ABRAXAS1: variants seen among roughly 807,000 people sequenced by gnomAD.
ABRAXAS1 encodes the protein abraxas 1, BRCA1 A complex subunit.
ABRAXAS1 carries 26 observed loss-of-function variants against 38.4 expected under a neutral mutation model. The observed-to-expected ratio is 0.68, with a 90% CI of 0.50 to 0.94. The LOEUF (loss-of-function observed/expected upper bound fraction) is 0.94. Ranked by LOEUF, ABRAXAS1 falls within the 40% of genes least tolerant of loss-of-function variation. The pLI, the probability that ABRAXAS1 is intolerant of heterozygous loss-of-function variation, is 0.00. For missense variants in ABRAXAS1, 438 were observed against 481.9 expected (o/e 0.91, Z 0.85); for synonymous variants, 144 against 165.5 (o/e 0.87, Z 1.00).
At chr4:83,484,090 A>G in intron 1 of ABRAXAS1, 1 of 946,062 alleles carries the variant, frequency 1.1e-6, no homozygotes, top group Non-Finnish European at 1.3e-6. Context: ...ATGGTCTCGA[A>G]CTCGTGGGCT....
intron 7 of ABRAXAS1, among the ~76,000 whole-genome samples, chr4:83,464,937 T>C (rs1370803071): frequency 1.3e-5 from 2 of 152,186 alleles, no homozygotes; most frequent in Non-Finnish European, 2.9e-5. Flanking sequence ...GATATACCTC[T>C]ACATTCCCTA....
chr4:83,477,093 C>G (rs957561079), intron 2 of ABRAXAS1, among the ~76,000 whole-genome samples: 1 of 152,188 alleles, frequency 6.6e-6, no homozygotes, highest in African/African-American at 2.4e-5. Context: ...TGAAAATCTC[C>G]TTAACCAAAG....
At chr4:83,480,283 A>G (rs1722947126) in intron 2 of ABRAXAS1, 1 of 356,786 alleles carries the variant, frequency 2.8e-6, no homozygotes, top group Non-Finnish European at 5.5e-6. Flanking sequence ...GAGGCAGGAG[A>G]ATCGCTTGAC....
rs777404313 is a variant in ABRAXAS1, at chr4:83,467,440, A to G, written c.681+14T>C. 1.5e-6 allele frequency: 2 copies of G among 1,356,618 alleles called. No homozygotes were observed. Among genetic ancestry groups the G allele is most frequent in the South Asian group, 1.2e-5 (1 of 83,976 alleles). 84.0% of individuals were successfully genotyped at this position (1,356,618 alleles called of 1,614,324 possible). A position where few individuals can be genotyped will look rare whatever the true frequency, so the allele number is the denominator to read the frequency against. On this transcript the variant is annotated intron_variant, in intron 7 of 8. Transcript: ENST00000321945. Reference sequence around the variant, plus strand: ...TATCTAGAAGTGGTTGACGTGTTTGATATGTTAACTTACCTTTAATTCCTC... The same window carrying G: ...TATCTAGAAGTGGTTGACGTGTTTGGTATGTTAACTTACCTTTAATTCCTC...
At chr4:83,471,974 T>C (rs914387113) in intron 4 of ABRAXAS1, among the ~76,000 whole-genome samples, 2 of 152,118 alleles carry the variant, frequency 1.3e-5, no homozygotes, top group Non-Finnish European at 2.9e-5. Flanking sequence ...GGTGGAAATA[T>C]AAGAGAAAGA....
chr4:83,480,849 G>A (rs766250991), intron 2 of ABRAXAS1, among the ~76,000 whole-genome samples: 1 of 152,084 alleles, frequency 6.6e-6, no homozygotes, highest in Non-Finnish European at 1.5e-5. Flanking sequence ...TAGTATTGTA[G>A]GCCAGGCATG....
intron 2 of ABRAXAS1, chr4:83,480,314 G>A: frequency 2.6e-6 from 1 of 384,392 alleles, no homozygotes; most frequent in Non-Finnish European, 5.1e-6. Flanking sequence ...AGAGGTTGCA[G>A]TGAGCCGAGA....
At chr4:83,479,675 A>C (rs1169121300) in intron 2 of ABRAXAS1, 1 of 152,260 alleles carries the variant, frequency 6.6e-6, no homozygotes, top group Non-Finnish European at 1.5e-5. Context: ...AGCCAGCAGA[A>C]AGAATGATGG....
Position 83,460,917 on chromosome 4 carries a change from T to A in ABRAXAS1, c.*1552A>T, listed in dbSNP as rs1013116288. 4.7e-6 allele frequency: 7 copies of A among 1,493,308 alleles called. No homozygotes were observed. The highest frequency in any genetic ancestry group is 6.4e-6 in the Non-Finnish European group (7 of 1,092,464). 92.5% of individuals were successfully genotyped at this position (1,493,308 alleles called of 1,614,324 possible). A position where few individuals can be genotyped will look rare whatever the true frequency, so the allele number is the denominator to read the frequency against. The stretch of plus-strand genomic sequence containing the variant: ...GGAGACTCCATCTCAAAAAAAAAAA[T>A]TGCAAACTTTAAATATTGACATTTT... On this transcript the variant is annotated 3_prime_UTR_variant, in exon 9 of 9. Coordinates refer to ENST00000321945, the MANE Select transcript of ABRAXAS1 (RefSeq NM_139076.3).
chr4:83,469,314 C>A, intron 5 of ABRAXAS1, 163 bp from the exon 6 acceptor site: 2 of 580,322 alleles, frequency 3.4e-6, no homozygotes, highest in Non-Finnish European at 5.9e-6. Context: ...CTTGAAACAA[C>A]TGTTTTTTTT....
At position 83,460,741 on chromosome 4, in the gene ABRAXAS1, TAC is replaced by T; in HGVS notation, c.*1726_*1727del. ...CAATATGGTGAAACCCCGTTTCTAC[TAC>T]AAATACAAAAAAATTATCCGGGTGT... On this transcript the variant is annotated 3_prime_UTR_variant, in exon 9 of 9. Coordinates refer to ENST00000321945, the MANE Select transcript of ABRAXAS1 (RefSeq NM_139076.3). 1 of 446,490 alleles carries T rather than the reference TAC, an allele frequency of 2.2e-6. No individual in the cohort carries two copies. Among genetic ancestry groups the T allele is most frequent in the South Asian group, 2.3e-5 (1 of 44,128 alleles). The allele number at this position is 446,490 out of a possible 1,614,324, so 27.7% of individuals were successfully genotyped here.
In ABRAXAS1 at chr4:83,463,491, T is replaced by C. The variant is rs759239699; in HGVS notation, c.796+3A>G. The stretch of plus-strand genomic sequence containing the variant: ...AGAAAGTAGAGATGTGTTGTTTACT[T>C]ACTTGCTGCCTGAATCTGTGCTCCT... On this transcript the variant is annotated splice_donor_region_variant and intron_variant, in intron 8 of 8. Coordinates refer to ENST00000321945, the MANE Select transcript of ABRAXAS1 (RefSeq NM_139076.3). The C allele has an allele frequency of 7.0e-6, 11 of 1,578,718 alleles. 1 individual carries two copies. In the South Asian group the frequency reaches 1.3e-4, roughly 18 times the overall value.
At chr4:83,478,882 G>C (rs972918304) in intron 2 of ABRAXAS1, 2 of 152,230 alleles carry the variant, frequency 1.3e-5, no homozygotes, top group Admixed American at 1.3e-4. Context: ...CATGACAAAA[G>C]CCCAGTTTCC....
At chr4:83,468,944 T>C in intron 6 of ABRAXAS1, 88 bp downstream of exon 6, 1 of 1,490,500 alleles carries the variant, frequency 6.7e-7, no homozygotes, top group East Asian at 2.3e-5. Context: ...AATTTTCCCT[T>C]GAATTTTTAT....
At chr4:83,464,752 G>C (rs1293861226) in intron 7 of ABRAXAS1, among the ~76,000 whole-genome samples, 1 of 152,204 alleles carries the variant, frequency 6.6e-6, no homozygotes, top group Non-Finnish European at 1.5e-5. Flanking sequence ...TTATGCTCTA[G>C]AAGAGATCTA....
intron 5 of ABRAXAS1, 65 bp downstream of exon 5, chr4:83,470,138 A>T: frequency 7.9e-7 from 1 of 1,272,608 alleles, no homozygotes. Context: ...AAGCTGCAAA[A>T]AGTACTAAGT....
rs1722101131 is a variant in ABRAXAS1, at chr4:83,461,244, G to C, written c.*1225C>G. The C allele has an allele frequency of 7.1e-6, 11 of 1,552,856 alleles. No individual in the cohort carries two copies. Among genetic ancestry groups the C allele is most frequent in the Non-Finnish European group, 9.8e-6 (11 of 1,127,088 alleles). On this transcript the variant is annotated 3_prime_UTR_variant, in exon 9 of 9. Coordinates refer to ENST00000321945, the MANE Select transcript of ABRAXAS1 (RefSeq NM_139076.3). ...TAAACTTATTTTACAGTAAGTGGTT[G>C]TATGATGCCAATACTGACTCAAACC...
intron 2 of ABRAXAS1, among the ~76,000 whole-genome samples, chr4:83,481,715 T>C (rs1363586097): frequency 2.0e-5 from 3 of 152,150 alleles, no homozygotes; most frequent in Non-Finnish European, 4.4e-5. Context: ...GAGTACAACA[T>C]ATCCTTTTAA....
At chr4:83,465,015 G>T (rs1362714413) in intron 7 of ABRAXAS1, among the ~76,000 whole-genome samples, 2 of 151,980 alleles carry the variant, frequency 1.3e-5, no homozygotes, top group East Asian at 3.8e-4. Flanking sequence ...AAATAAAGAG[G>T]CCGGGCAAGG....
Sources: allele counts gnomAD v4.1 joint callset (sites outside exome capture counted in the v4.1 genomes callset), GRCh38; gene constraint gnomAD v4.1.1; transcripts MANE v1.5; gene names NCBI Gene and HGNC (gene_info 2026-07-23, HGNC 2026-07-21).